The following CPA6 variants were observed in gnomAD, a reference collection of about 807,000 sequenced individuals.
The protein encoded by CPA6 is carboxypeptidase B.
CPA6 carries 58 observed loss-of-function variants against 63.3 expected under a neutral mutation model. The observed-to-expected ratio is 0.92, with a 90% confidence interval of 0.74 to 1.14. CPA6 has a LOEUF of 1.14. Ranked by LOEUF, CPA6 falls within the 50% of genes most tolerant of loss-of-function variation. The probability of loss-of-function intolerance (pLI) is 0.00; values close to 1 mark genes in which losing one functional copy is unlikely to be tolerated. For synonymous variants in CPA6, 185 were observed against 179.0 expected, an observed-to-expected ratio of 1.03 and a Z score of -0.27; for missense variants, 565 against 526.6, an observed-to-expected ratio of 1.07 and a Z score of -0.71.
intron 2 of CPA6, among the ~76,000 whole-genome samples, chr8:67,590,659 A>G (rs1189013822): frequency 1.3e-5 from 2 of 152,008 alleles, no homozygotes; most frequent in Non-Finnish European, 2.9e-5. Context: ...GCATTTTTTC[A>G]TGTGTCTTTT....
chr8:67,459,733 G>A (rs1810757971), intron 8 of CPA6, among the ~76,000 whole-genome samples: 1 of 152,218 alleles, frequency 6.6e-6, no homozygotes, highest in African/African-American at 2.4e-5. Flanking sequence ...ATGAATTCCA[G>A]TGTAAACTAT....
At chr8:67,604,161 G>A (rs1049705376) in intron 2 of CPA6, among the ~76,000 whole-genome samples, 1 of 152,178 alleles carries the variant, frequency 6.6e-6, no homozygotes, top group African/African-American at 2.4e-5. Context: ...CAAAACACTG[G>A]AGTGAATGAG....
intron 2 of CPA6, among the ~76,000 whole-genome samples, chr8:67,608,270 C>G (rs1814717485): frequency 6.6e-6 from 1 of 152,142 alleles, no homozygotes; most frequent in Admixed American, 6.5e-5. Context: ...TGCCTTTTGG[C>G]CCACCATGTC....
At chr8:67,681,286 T>G (rs556721922) in intron 1 of CPA6, among the ~76,000 whole-genome samples, 10 of 140,644 alleles carry the variant, frequency 7.1e-5, no homozygotes, top group South Asian at 2.4e-4. Context: ...CTCGGCTCAC[T>G]GCAAGCTCCG....
At chr8:67,441,217 ATTAC>A (rs1810288023) in intron 8 of CPA6, among the ~76,000 whole-genome samples, 1 of 152,208 alleles carries the variant, frequency 6.6e-6, no homozygotes, top group African/African-American at 2.4e-5. Context: ...TCTTGGCAAT[ATTAC>A]TTATAAGGAT....
intron 6 of CPA6, 39 bp downstream of exon 6, chr8:67,506,748 A>T: frequency 1.5e-6 from 2 of 1,327,220 alleles, no homozygotes; most frequent in Non-Finnish European, 1.1e-6. Flanking sequence ...GGAAGCACTG[A>T]CTAGCTGAAA....
chr8:67,601,566 AT>A lies in CPA6; in HGVS notation c.192+22609del, dbSNP rs1564018724. On this transcript the variant is annotated intron_variant, in intron 2 of 10. Transcript: ENST00000297770. ...GCACTTTTAAATCAAGGTTAGTAAC[AT>A]TCTAAAAATTGTGGGTTTTTTGAAG... Among the ~76,000 whole-genome samples, 6 of 152,314 alleles carry A rather than the reference AT, an allele frequency of 3.9e-5. No individual in the cohort carries two copies. The South Asian group carries it at 1.2e-3, about 32-fold the overall frequency.
At chr8:67,539,626 G>A (rs1404235182) in intron 2 of CPA6, among the ~76,000 whole-genome samples, 3 of 152,134 alleles carry the variant, frequency 2.0e-5, no homozygotes, top group Non-Finnish European at 4.4e-5. Flanking sequence ...GTCACTTTCA[G>A]GTATGCCAAT....
chr8:67,727,278 C>G (rs1343844721), intron 1 of CPA6, among the ~76,000 whole-genome samples: 1 of 152,074 alleles, frequency 6.6e-6, no homozygotes, highest in Non-Finnish European at 1.5e-5. Flanking sequence ...ACCTTTGTAT[C>G]CTATTTTCTC....
intron 8 of CPA6, among the ~76,000 whole-genome samples, chr8:67,461,426 T>A (rs1810803527): frequency 6.7e-6 from 1 of 149,816 alleles, no homozygotes; most frequent in Admixed American, 6.7e-5. Flanking sequence ...TTTATCTTAG[T>A]ACAGAACAAA....
chr8:67,594,071 C>T (rs985460128), intron 2 of CPA6, among the ~76,000 whole-genome samples: 11 of 151,942 alleles, frequency 7.2e-5, no homozygotes, highest in Non-Finnish European at 1.2e-4. Flanking sequence ...TCTTGTAGGG[C>T]AGGCCTGGTG....
intron 6 of CPA6, among the ~76,000 whole-genome samples, chr8:67,496,254 C>T (rs2128963011): frequency 6.6e-6 from 1 of 152,086 alleles, no homozygotes; most frequent in South Asian, 2.1e-4. Flanking sequence ...AAATAGAATG[C>T]AGACCCCTTA....
chr8:67,552,070 A>G (rs1812950289), intron 2 of CPA6, among the ~76,000 whole-genome samples: 1 of 152,234 alleles, frequency 6.6e-6, no homozygotes, highest in Non-Finnish European at 1.5e-5. Flanking sequence ...ACACGCTGTT[A>G]AAAAATTCTC....
chr8:67,727,094 A>G (rs1188912587), intron 1 of CPA6, among the ~76,000 whole-genome samples: 1 of 152,166 alleles, frequency 6.6e-6, no homozygotes, highest in Non-Finnish European at 1.5e-5. Flanking sequence ...TCTGATTATA[A>G]AAGCTGTTCA....
intron 2 of CPA6, chr8:67,569,341 AAAG>A (rs1813424931): frequency 5.5e-6 from 1 of 180,900 alleles, no homozygotes; most frequent in Non-Finnish European, 1.2e-5. Flanking sequence ...TGTTGAAGAA[AAAG>A]AAGACTGCCA....
intron 2 of CPA6, among the ~76,000 whole-genome samples, chr8:67,551,129 TCC>T (rs1812927962): frequency 1.3e-5 from 2 of 152,140 alleles, no homozygotes; most frequent in Admixed American, 1.3e-4. Flanking sequence ...GAATGGTGTT[TCC>T]TAGGTTTTCT....
intron 6 of CPA6, among the ~76,000 whole-genome samples, chr8:67,497,884 G>A (rs768433864): frequency 7.2e-5 from 11 of 152,172 alleles, no homozygotes; most frequent in Non-Finnish European, 1.0e-4. Context: ...TAGAGAAGGG[G>A]TTTTGCCATG....
At chr8:67,603,833 T>A (rs1264065638) in intron 2 of CPA6, among the ~76,000 whole-genome samples, 1 of 152,196 alleles carries the variant, frequency 6.6e-6, no homozygotes. Context: ...AATAGTTTGG[T>A]TTTGCTTTGC....
At chr8:67,655,681 A>G (rs1815966780) in intron 1 of CPA6, among the ~76,000 whole-genome samples, 1 of 152,106 alleles carries the variant, frequency 6.6e-6, no homozygotes, top group Non-Finnish European at 1.5e-5. Context: ...AAGTTCCAGG[A>G]AAAGAGGAGG....
Sources: gnomAD v4.1 joint callset for allele counts (sites outside exome capture counted in the v4.1 genomes callset) on GRCh38, gnomAD v4.1.1 for gene constraint, MANE v1.5 for transcripts, NCBI Gene and HGNC (gene_info 2026-07-23, HGNC 2026-07-21) for gene names.